SETD5: variants seen among roughly 807,000 people sequenced by gnomAD.
The protein encoded by SETD5 is SET domain containing 5.
A neutral mutation model predicts 153.3 loss-of-function variants in SETD5; 44 were observed. That is an observed-to-expected ratio of 0.29 (90% CI 0.23 to 0.37). The LOEUF is 0.37. SETD5 is among the 10% of genes least tolerant of loss of function. The pLI is 1.00. For missense variants in SETD5, 1,544 were observed against 1,768.0 expected, an observed-to-expected ratio of 0.87 and a Z score of 2.27; for synonymous variants, 716 against 645.2, an observed-to-expected ratio of 1.11 and a Z score of -1.66.
chr3:9,430,278 AAG>A, intron 3 of SETD5: 1 of 984,812 alleles, frequency 1.0e-6, no homozygotes, highest in Non-Finnish European at 1.2e-6. Context: ...CTTAAAGAGG[AAG>A]ACTTAAAGCT....
chr3:9,467,600 G>A (rs902469421), intron 18 of SETD5, among the ~76,000 whole-genome samples: 7 of 152,074 alleles, frequency 4.6e-5, no homozygotes, highest in African/African-American at 9.7e-5. Flanking sequence ...GCATGTGCCT[G>A]CCACCTAGGC....
chr3:9,433,488 T>G (rs1223182477), intron 3 of SETD5: 2 of 1,290,718 alleles, frequency 1.5e-6, no homozygotes, highest in African/African-American at 3.0e-5. Flanking sequence ...TATTAAGAGA[T>G]CCAATTAAGA....
chr3:9,464,177 GAAATT>G (rs1215627988), intron 17 of SETD5, among the ~76,000 whole-genome samples: 1 of 152,160 alleles, frequency 6.6e-6, no homozygotes, highest in Non-Finnish European at 1.5e-5. Flanking sequence ...TGCACTGGTA[GAAATT>G]AAATTAGAGA....
At chr3:9,446,939 T>A in intron 13 of SETD5, 111 bp from the exon 14 acceptor site, 1 of 696,550 alleles carries the variant, frequency 1.4e-6, no homozygotes, top group Non-Finnish European at 2.4e-6. Flanking sequence ...TGTGTCATCT[T>A]ACTGGTAGTT....
rs864321657 is a variant in SETD5 at position 9,448,586 on chromosome 3, C to A, written c.2302C>A (p.Arg768=). 3.1e-6 allele frequency: 5 copies of A among 1,609,300 alleles called. No homozygotes were observed. Among genetic ancestry groups the A allele is most frequent in the Non-Finnish European group, 4.2e-6 (5 of 1,176,650 alleles). The change falls in exon 16 of 23, where the codon CGA becomes AGA. Residue 768 remains arginine (R), a synonymous_variant. Coordinates refer to ENST00000402198, the MANE Select transcript of SETD5 (RefSeq NM_001080517.3). ...CTCACCCTTTATCCCTGAGAGACGT[C>A]GAAGGCCCCTTCTGCCTGATGGCAC... is the stretch of plus-strand genomic sequence containing the variant. The part of the protein sequence containing the change: ...FGSPFIPERR[R]RPLLPDGTFS...
At chr3:9,465,978 T>G (rs923409440) in intron 18 of SETD5, among the ~76,000 whole-genome samples, 1 of 152,140 alleles carries the variant, frequency 6.6e-6, no homozygotes, top group Admixed American at 6.5e-5. Flanking sequence ...GGTTTTATTA[T>G]AAATGTGGAA....
At chr3:9,469,441 A>G (rs2045036149) in intron 18 of SETD5, among the ~76,000 whole-genome samples, 2 of 152,212 alleles carry the variant, frequency 1.3e-5, no homozygotes, top group South Asian at 2.1e-4. Context: ...TCCCCTTCCA[A>G]TAAAAAATTA....
chr3:9,457,739 TTTC>T (rs2043433369), intron 17 of SETD5, among the ~76,000 whole-genome samples: 1 of 149,450 alleles, frequency 6.7e-6, no homozygotes, highest in African/African-American at 2.4e-5. Flanking sequence ...GAAATTTCTT[TTTC>T]TTTTTTTTTT....
chr3:9,463,464 C>G (rs2044216154), intron 17 of SETD5, among the ~76,000 whole-genome samples: 1 of 152,062 alleles, frequency 6.6e-6, no homozygotes, highest in Admixed American at 6.5e-5. Flanking sequence ...TATTTTTATT[C>G]TGAGAATCAA....
At chr3:9,464,015 C>T (rs970079956) in intron 17 of SETD5, among the ~76,000 whole-genome samples, 2 of 152,266 alleles carry the variant, frequency 1.3e-5, no homozygotes, top group Admixed American at 1.3e-4. Context: ...GTAATCCCAG[C>T]TACTCGGGAG....
intron 3 of SETD5, chr3:9,430,849 C>G: frequency 1.0e-6 from 1 of 985,402 alleles, no homozygotes; most frequent in Non-Finnish European, 1.2e-6. Flanking sequence ...ACTGCGCTGT[C>G]TCTGTTAACA....
At chr3:9,424,257 A>G (rs1056610082) in intron 1 of SETD5, among the ~76,000 whole-genome samples, 4 of 152,196 alleles carry the variant, frequency 2.6e-5, no homozygotes, top group African/African-American at 7.2e-5. Flanking sequence ...TTCCTTCTCT[A>G]CCATCTCGTT....
rs747595594 is a variant in SETD5 at position 9,434,888 on chromosome 3, C to T, written c.388+6C>T. On this transcript the variant is annotated splice_donor_region_variant and intron_variant, in intron 6 of 22. Coordinates refer to ENST00000402198, the MANE Select transcript of SETD5 (RefSeq NM_001080517.3). The surrounding 1 kb of genome is among the most constrained non-coding windows in gnomAD (Gnocchi z 5.6). Reference sequence around the variant, plus strand: ...GAAGCAGGACAACATATCAGGTGAGCGGAAGATGGGTTAGGTCCACAATTT... The same window carrying T: ...GAAGCAGGACAACATATCAGGTGAGTGGAAGATGGGTTAGGTCCACAATTT... 33 of 1,612,228 alleles carry T rather than the reference C, an allele frequency of 2.0e-5. No homozygotes were observed. The highest frequency in any genetic ancestry group is 5.5e-5 in the South Asian group (5 of 90,644).
intron 1 of SETD5, among the ~76,000 whole-genome samples, chr3:9,402,819 G>GA (rs2125424680): frequency 6.6e-6 from 1 of 152,316 alleles, no homozygotes; most frequent in East Asian, 1.9e-4. Context: ...TAATGGAGGG[G>GA]AAAATGCTGA....
chr3:9,417,156 A>G (rs1166693157), intron 1 of SETD5, among the ~76,000 whole-genome samples: 1 of 152,214 alleles, frequency 6.6e-6, no homozygotes, highest in African/African-American at 2.4e-5. Flanking sequence ...GGATAACATC[A>G]TGGAAGAATA....
intron 1 of SETD5, among the ~76,000 whole-genome samples, chr3:9,414,728 A>G (rs879654916): frequency 6.6e-6 from 1 of 152,158 alleles, no homozygotes; most frequent in East Asian, 1.9e-4. Flanking sequence ...AGAAAAAACA[A>G]GTGTTTTTCT....
At position 9,433,560 on chromosome 3, in the gene SETD5, C is replaced by G; in HGVS notation, c.72-285C>G. The G allele has an allele frequency of 2.3e-6, 3 of 1,297,416 alleles. No homozygotes were observed. The South Asian group carries it at 3.7e-5, about 16-fold the overall frequency. 80.4% of individuals were successfully genotyped at this position (1,297,416 alleles called of 1,614,324 possible). ...TCTCTAGGGGAAACTCCCCGCTCAG[C>G]TGGTACGTTTGTGTTTGTCATTAGG... On this transcript the variant is annotated intron_variant, in intron 3 of 22. Transcript: ENST00000402198.
At chr3:9,431,757 A>G (rs886700232) in intron 3 of SETD5, 2 of 979,656 alleles carry the variant, frequency 2.0e-6, no homozygotes, top group Non-Finnish European at 1.2e-6. Flanking sequence ...GGAGATGGGT[A>G]AGATACAACC....
intron 18 of SETD5, chr3:9,468,408 G>T: frequency 1.3e-6 from 1 of 783,442 alleles, no homozygotes; most frequent in South Asian, 1.6e-5. Context: ...CAACTTCCCC[G>T]CCCCCGAAAA....
Sources: allele counts gnomAD v4.1 joint callset (sites outside exome capture counted in the v4.1 genomes callset), GRCh38; gene constraint gnomAD v4.1.1; non-coding constraint Gnocchi (gnomAD v3.1); transcripts MANE v1.5; gene names NCBI Gene and HGNC (gene_info 2026-07-23, HGNC 2026-07-21).